Variants in PCDHGA11 observed in about 807,000 individuals in gnomAD.
PCDHGA11 encodes the protein protocadherin gamma-A11.
A neutral mutation model predicts 60.4 loss-of-function variants in PCDHGA11; 39 were observed. The observed-to-expected ratio is 0.65, with a 90% confidence interval of 0.50 to 0.84. The LOEUF (loss-of-function observed/expected upper bound fraction) is 0.84, where lower values mean the gene tolerates loss of function less well. Ranked by LOEUF, PCDHGA11 falls within the 40% of genes least tolerant of loss-of-function variation. The pLI, the probability that PCDHGA11 is intolerant of heterozygous loss-of-function variation, is 0.00. For missense variants in PCDHGA11, 1,165 were observed against 1,197.7 expected (o/e 0.97, Z 0.40); for synonymous variants, 533 against 510.3 (o/e 1.04, Z -0.60).
chr5:141,451,256 A>T (rs376288655), intron 1 of PCDHGA11, among the ~76,000 whole-genome samples: 1 of 152,212 alleles, frequency 6.6e-6, no homozygotes, highest in African/African-American at 2.4e-5. Context: ...GTGGATCAGG[A>T]CTGGGTATAG....
chr5:141,502,098 G>T (rs1341016516), intron 2 of PCDHGA11, among the ~76,000 whole-genome samples: 2 of 152,108 alleles, frequency 1.3e-5, no homozygotes, highest in Non-Finnish European at 2.9e-5. Flanking sequence ...ACCTGGCCTT[G>T]ACCCTGCACC....
intron 1 of PCDHGA11, among the ~76,000 whole-genome samples, chr5:141,462,399 T>C (rs2099038838): frequency 6.6e-6 from 1 of 152,236 alleles, no homozygotes; most frequent in South Asian, 2.1e-4. Flanking sequence ...ATTTCTTTTA[T>C]GGCACAGAAT....
intron 2 of PCDHGA11, among the ~76,000 whole-genome samples, chr5:141,503,132 CCT>C (rs1388312522): frequency 6.6e-6 from 1 of 151,994 alleles, no homozygotes; most frequent in Non-Finnish European, 1.5e-5. Flanking sequence ...TCTGGTAGCC[CCT>C]GACACAGCCC....
At chr5:141,498,231 A>T (rs1213697084) in intron 2 of PCDHGA11, among the ~76,000 whole-genome samples, 1 of 152,268 alleles carries the variant, frequency 6.6e-6, no homozygotes, top group East Asian at 1.9e-4. Flanking sequence ...ATGGTCAGGC[A>T]TACCAGCTTC....
rs769671283 is a variant in PCDHGA11, at chr5:141,511,391, C to T, written c.*218C>T. On this transcript the variant is annotated 3_prime_UTR_variant, in exon 4 of 4. Transcript: ENST00000398587. Reference sequence around the variant, plus strand: ...TGCAAAAGCAGTTCCGCTGGGAACCCCCATCCAATCAACTGCTGTACCCAT... The same window carrying T: ...TGCAAAAGCAGTTCCGCTGGGAACCTCCATCCAATCAACTGCTGTACCCAT... The T allele has an allele frequency of 6.4e-5, 69 of 1,079,630 alleles. No individual in the cohort carries two copies. The highest frequency in any genetic ancestry group is 1.5e-4 in the Admixed American group (5 of 34,354). 66.9% of individuals were successfully genotyped at this position (1,079,630 alleles called of 1,614,324 possible). A position where few individuals can be genotyped will look rare whatever the true frequency, so the allele number is the denominator to read the frequency against.
intron 3 of PCDHGA11, among the ~76,000 whole-genome samples, chr5:141,505,868 G>T (rs2099848820): frequency 6.6e-6 from 1 of 152,170 alleles, no homozygotes; most frequent in Admixed American, 6.5e-5. Context: ...GGACCCCAAA[G>T]GGTTGTTGTA....
At position 141,421,582 on chromosome 5, in the gene PCDHGA11, G is replaced by A. The variant is rs531591776; in HGVS notation, c.355G>A (p.Gly119Arg). The A allele has an allele frequency of 2.5e-6, 4 of 1,613,874 alleles. No individual in the cohort carries two copies. Among genetic ancestry groups the A allele is most frequent in the Non-Finnish European group, 2.5e-6 (3 of 1,179,848 alleles). The change falls in exon 1 of 4, where the codon GGA (glycine) becomes AGA (arginine). Residue 119 changes from glycine to arginine, a missense_variant. Gly to Arg is a moderately radical substitution (Grantham distance 125). Transcript: ENST00000398587. Reference sequence around the variant, plus strand: ...CGTGGAAGACACCTTGAAGATTTACGGAGTGGAGGTGGAAATAATAGATAT... The same window carrying A: ...CGTGGAAGACACCTTGAAGATTTACAGAGTGGAGGTGGAAATAATAGATAT... ...LLVEDTLKIY[G>R]VEVEIIDIND...
intron 1 of PCDHGA11, among the ~76,000 whole-genome samples, chr5:141,435,245 G>A (rs577996994): frequency 6.6e-6 from 1 of 152,132 alleles, no homozygotes; most frequent in Admixed American, 6.5e-5. Context: ...ATTCTTTCTG[G>A]CCATTAGGGA....
chr5:141,494,815 G>T lies in PCDHGA11; in HGVS notation c.2442G>T (p.Pro814=). The change falls in exon 2 of 4, where the codon CCG becomes CCT. Residue 814 remains proline, a synonymous_variant. Transcript: ENST00000398587. ...CTCTGTTTTCTCCACAGCAAGCCCC[G>T]CCCAACACGGACTGGCGTTTCTCTC... The part of the protein sequence containing the change: ...KCDPTSNQQA[P]PNTDWRFSQA... 1.2e-6 allele frequency: 2 copies of T among 1,613,976 alleles called. No individual in the cohort carries two copies. The highest frequency in any genetic ancestry group is 1.1e-5 in the South Asian group (1 of 91,072).
chr5:141,478,102 C>T, intron 1 of PCDHGA11: 1 of 1,614,126 alleles, frequency 6.2e-7, no homozygotes, highest in South Asian at 1.1e-5. Flanking sequence ...CTGCTACCCT[C>T]ACTGTGTCAG....
At position 141,476,666 on chromosome 5, in the gene PCDHGA11, G is replaced by A. The variant is rs2099395856; in HGVS notation, c.2434-18141G>A. On this transcript the variant is annotated intron_variant, in intron 1 of 3. Coordinates refer to ENST00000398587, the MANE Select transcript of PCDHGA11 (RefSeq NM_018914.3). The surrounding 1 kb of genome is among the most constrained non-coding windows in gnomAD (Gnocchi z 7.6). The stretch of plus-strand genomic sequence containing the variant: ...CCGAAATGAATACTTTGCGCTTCGC[G>A]TGCAGACGCGGGAGGACAGCACCAA... 6.2e-7 allele frequency: 1 copy of A among 1,614,128 alleles called. No individual in the cohort carries two copies.
Position 141,421,146 on chromosome 5 carries a change from C to T in PCDHGA11, c.-82C>T. 1 of 1,015,090 alleles carries T rather than the reference C, an allele frequency of 9.9e-7. No individual in the cohort carries two copies. Among genetic ancestry groups the T allele is most frequent in the Non-Finnish European group, 1.4e-6 (1 of 714,366 alleles). 62.9% of individuals were successfully genotyped at this position (1,015,090 alleles called of 1,614,324 possible). ...CTTTCTGATATATTTTGGATGTAGT[C>T]GGCCTAGGACTTCATAGATACATAA... On this transcript the variant is annotated 5_prime_UTR_variant, in exon 1 of 4. Transcript: ENST00000398587.
rs1042973261 is a variant in PCDHGA11 at position 141,491,547 on chromosome 5, G to T, written c.2434-3260G>T. ...AGGTGACGCTGCGGCCCACAGACTC[G>T]CAGAGCCACTGCTACAGGACGTGCT... On this transcript the variant is annotated intron_variant, in intron 1 of 3. Transcript: ENST00000398587. The surrounding 1 kb of genome is among the most constrained non-coding windows in gnomAD (Gnocchi z 6.9). 6.8e-6 allele frequency: 11 copies of T among 1,613,856 alleles called. No homozygotes were observed. Among genetic ancestry groups the T allele is most frequent in the Middle Eastern group, 1.6e-4 (1 of 6,084 alleles).
chr5:141,426,090 T>G (rs545457395), intron 1 of PCDHGA11, among the ~76,000 whole-genome samples: 1 of 152,246 alleles, frequency 6.6e-6, no homozygotes, highest in African/African-American at 2.4e-5. Context: ...CAGGACGATA[T>G]TCTGTTCAGT....
intron 1 of PCDHGA11, 95 bp downstream of exon 1, chr5:141,423,755 G>A (rs1236551808): frequency 2.5e-5 from 13 of 512,416 alleles, no homozygotes; most frequent in Non-Finnish European, 3.4e-5. Context: ...CTGTTTGGGG[G>A]GGGGGTGGGG....
At chr5:141,481,860 G>A (rs1379910129) in intron 1 of PCDHGA11, among the ~76,000 whole-genome samples, 1 of 148,492 alleles carries the variant, frequency 6.7e-6, no homozygotes, top group Non-Finnish European at 1.5e-5. Context: ...GTTGCAGTGA[G>A]CCGAGATCGC....
intron 1 of PCDHGA11, chr5:141,478,292 CTATA>C (rs1257685524): frequency 6.2e-7 from 1 of 1,614,146 alleles, no homozygotes; most frequent in Admixed American, 1.7e-5. Flanking sequence ...GTCTAGAGAC[CTATA>C]CCGAGCCCCG....
At chr5:141,459,814 T>A (rs757306281) in intron 1 of PCDHGA11, among the ~76,000 whole-genome samples, 2 of 152,256 alleles carry the variant, frequency 1.3e-5, no homozygotes, top group African/African-American at 4.8e-5. Context: ...CTAGAGACAC[T>A]GAGCAACTTT....
intron 1 of PCDHGA11, among the ~76,000 whole-genome samples, chr5:141,452,253 T>G (rs2098736880): frequency 6.6e-6 from 1 of 152,166 alleles, no homozygotes; most frequent in Admixed American, 6.5e-5. Context: ...TTGCCATAAC[T>G]CTCTCATTTT....
Sources: allele counts gnomAD v4.1 joint callset (sites outside exome capture counted in the v4.1 genomes callset), GRCh38; gene constraint gnomAD v4.1.1; non-coding constraint Gnocchi (gnomAD v3.1); transcripts MANE v1.5; gene names NCBI Gene and HGNC (gene_info 2026-07-23, HGNC 2026-07-21).